Variants in STXBP6 observed in about 807,000 individuals in gnomAD.
STXBP6 encodes syntaxin-binding protein 6.
STXBP6 carries 21 observed loss-of-function variants against 26.9 expected under a neutral mutation model. The ratio of observed to expected loss-of-function variants is 0.78; its 90% CI spans 0.55 to 1.12. The LOEUF is 1.12. STXBP6 is among the 50% of genes most tolerant of loss of function. The pLI, the probability that STXBP6 is intolerant of heterozygous loss-of-function variation, is 0.00. For synonymous variants in STXBP6, 97 were observed against 92.6 expected, an observed-to-expected ratio of 1.05 and a Z score of -0.27; for missense variants, 232 against 257.9, an observed-to-expected ratio of 0.90 and a Z score of 0.69.
chr14:24,919,160 A>G (rs969433191), intron 2 of STXBP6, among the ~76,000 whole-genome samples: 2 of 152,076 alleles, frequency 1.3e-5, no homozygotes, highest in Non-Finnish European at 2.9e-5. Context: ...ACACTTATGC[A>G]ACAGGTACTA....
chr14:24,877,278 GCTGA>G (rs1258238235), intron 2 of STXBP6, among the ~76,000 whole-genome samples: 1 of 152,126 alleles, frequency 6.6e-6, no homozygotes, highest in African/African-American at 2.4e-5. Context: ...GCCAGTGCTT[GCTGA>G]CTACTTGTTC....
At chr14:24,822,479 T>C (rs2068163058) in intron 4 of STXBP6, among the ~76,000 whole-genome samples, 1 of 152,228 alleles carries the variant, frequency 6.6e-6, no homozygotes. Flanking sequence ...TTATTCAACA[T>C]TCAAAACTAT....
chr14:24,971,891 G>A (rs1225091229), intron 2 of STXBP6, among the ~76,000 whole-genome samples: 1 of 152,004 alleles, frequency 6.6e-6, no homozygotes, highest in Non-Finnish European at 1.5e-5. Flanking sequence ...TTTTCATAGC[G>A]GTACCCACGG....
intron 2 of STXBP6, among the ~76,000 whole-genome samples, chr14:24,887,011 C>G (rs1474488393): frequency 1.3e-5 from 2 of 152,186 alleles, no homozygotes; most frequent in Non-Finnish European, 2.9e-5. Flanking sequence ...TACAGAATTT[C>G]ATCTAGCTTC....
chr14:24,834,948 G>A (rs569554689), intron 4 of STXBP6, among the ~76,000 whole-genome samples: 15 of 152,114 alleles, frequency 9.9e-5, no homozygotes, highest in African/African-American at 3.6e-4. Context: ...ACACATGAAG[G>A]GTTTGGCAGA....
At chr14:24,898,496 G>A (rs1320247103) in intron 2 of STXBP6, among the ~76,000 whole-genome samples, 35 of 152,258 alleles carry the variant, frequency 2.3e-4, no homozygotes, top group Non-Finnish European at 4.4e-4. Flanking sequence ...GGCCAATATG[G>A]TGGAACCCCA....
At chr14:25,017,535 A>C (rs985488017) in intron 1 of STXBP6, among the ~76,000 whole-genome samples, 1 of 152,228 alleles carries the variant, frequency 6.6e-6, no homozygotes, top group Non-Finnish European at 1.5e-5. Flanking sequence ...CTTGGTTACC[A>C]AGATAAAAGC....
intron 4 of STXBP6, among the ~76,000 whole-genome samples, chr14:24,851,070 T>C (rs1022152036): frequency 1.3e-5 from 2 of 152,060 alleles, no homozygotes; most frequent in African/African-American, 4.8e-5. Flanking sequence ...CAGTAATCAT[T>C]ATAAATTGGT....
intron 1 of STXBP6, among the ~76,000 whole-genome samples, chr14:25,006,311 G>C (rs1373215194): frequency 1.3e-5 from 2 of 152,150 alleles, no homozygotes; most frequent in East Asian, 3.9e-4. Flanking sequence ...GGAAAACATG[G>C]ATTATGCTGA....
At chr14:24,942,858 G>C (rs1308862530) in intron 2 of STXBP6, among the ~76,000 whole-genome samples, 1 of 152,072 alleles carries the variant, frequency 6.6e-6, no homozygotes, top group Non-Finnish European at 1.5e-5. Flanking sequence ...AATCAAGACA[G>C]GTACACCTAC....
chr14:24,994,350 A>G (rs898863275), intron 1 of STXBP6, among the ~76,000 whole-genome samples: 2 of 152,130 alleles, frequency 1.3e-5, no homozygotes, highest in Non-Finnish European at 2.9e-5. Context: ...AGTGGGTTTG[A>G]TAAGGCTCTC....
At chr14:24,964,174 G>A (rs1288387326) in intron 2 of STXBP6, among the ~76,000 whole-genome samples, 1 of 151,936 alleles carries the variant, frequency 6.6e-6, no homozygotes, top group Non-Finnish European at 1.5e-5. Flanking sequence ...TCAAAGCACT[G>A]GGAACAGAAA....
At chr14:24,969,714 G>A (rs985966466) in intron 2 of STXBP6, among the ~76,000 whole-genome samples, 1 of 152,158 alleles carries the variant, frequency 6.6e-6, no homozygotes, top group African/African-American at 2.4e-5. Flanking sequence ...TAATCCACAT[G>A]AGTGAGCAAG....
intron 2 of STXBP6, among the ~76,000 whole-genome samples, chr14:24,900,216 C>T (rs1255843395): frequency 6.6e-6 from 1 of 152,148 alleles, no homozygotes; most frequent in Non-Finnish European, 1.5e-5. Flanking sequence ...ACTTACATCC[C>T]TGAAATCCTA....
intron 1 of STXBP6, among the ~76,000 whole-genome samples, chr14:25,027,173 T>C (rs2075364984): frequency 6.6e-6 from 1 of 152,230 alleles, no homozygotes; most frequent in African/African-American, 2.4e-5. Context: ...TTGTTTATTG[T>C]GCTTTATTGC....
At chr14:24,958,695 G>A (rs900660364) in intron 2 of STXBP6, among the ~76,000 whole-genome samples, 2 of 152,044 alleles carry the variant, frequency 1.3e-5, no homozygotes, top group Non-Finnish European at 1.5e-5. Flanking sequence ...GTCAATTTAG[G>A]AAAATGAGTA....
At chr14:24,941,952 T>C (rs916824310) in intron 2 of STXBP6, among the ~76,000 whole-genome samples, 2 of 152,216 alleles carry the variant, frequency 1.3e-5, no homozygotes, top group African/African-American at 2.4e-5. Context: ...CAGGTGTGCA[T>C]CTGCACCAGT....
chr14:24,961,454 A>AAC (rs200691376), intron 2 of STXBP6, among the ~76,000 whole-genome samples: 2 of 92,500 alleles, frequency 2.2e-5, no homozygotes, highest in East Asian at 4.5e-4. Context: ...CTAAAAACAA[A>AAC]AAAAAAAAAA....
intron 2 of STXBP6, among the ~76,000 whole-genome samples, chr14:24,893,819 T>C (rs753930121): frequency 1.3e-5 from 2 of 152,196 alleles, no homozygotes; most frequent in Non-Finnish European, 2.9e-5. Context: ...TATCAATGCC[T>C]TTAAGGAACA....
Sources: gnomAD v4.1 joint callset for allele counts (sites outside exome capture counted in the v4.1 genomes callset) on GRCh38, gnomAD v4.1.1 for gene constraint, MANE v1.5 for transcripts, NCBI Gene and HGNC (gene_info 2026-07-23, HGNC 2026-07-21) for gene names.